The following ZUP1 variants were observed in gnomAD, a reference collection of about 807,000 sequenced individuals.
The protein encoded by ZUP1 is zinc finger containing ubiquitin peptidase 1, also known as zinc finger-containing ubiquitin peptidase 1.
In ZUP1, 55 loss-of-function variants were observed where a neutral mutation model predicts 68.1. The observed-to-expected ratio is 0.81, with a 90% CI of 0.65 to 1.01. ZUP1 has a LOEUF of 1.01. Ranked by LOEUF, ZUP1 falls within the 50% of genes least tolerant of loss-of-function variation. ZUP1 has a pLI of 0.00. For missense variants in ZUP1, 684 were observed against 674.9 expected (o/e 1.01, Z -0.15); for synonymous variants, 223 against 221.5 (o/e 1.01, Z -0.06).
Position 116,639,819 on chromosome 6 carries a change from C to T in ZUP1, c.1690-3940G>A, listed in dbSNP as rs1183310803. 1.9e-4 allele frequency among the ~76,000 whole-genome samples: 29 copies of T among 152,208 alleles called. 1 individual carries two copies. Among genetic ancestry groups the T allele is most frequent in the South Asian group, 1.4e-3 (7 of 4,834 alleles). On this transcript the variant is annotated intron_variant, in intron 9 of 9. Transcript: ENST00000368576. ...AAGGAACGCAGTTCCTCACCAGCAA[C>T]GGAACAAAGCTGGACGGAGAATGAC... is the stretch of plus-strand genomic sequence containing the variant.
At chr6:116,641,285 C>T (rs1460241881) in intron 9 of ZUP1, among the ~76,000 whole-genome samples, 1 of 152,108 alleles carries the variant, frequency 6.6e-6, no homozygotes, top group East Asian at 1.9e-4. Flanking sequence ...ATCAACGAGA[C>T]AGGAAGTTAA....
At chr6:116,653,728 A>G (rs892310821) in intron 5 of ZUP1, among the ~76,000 whole-genome samples, 1 of 152,034 alleles carries the variant, frequency 6.6e-6, no homozygotes, top group Non-Finnish European at 1.5e-5. Flanking sequence ...TGATGAAGAG[A>G]TCAAGATTTG....
intron 9 of ZUP1, among the ~76,000 whole-genome samples, chr6:116,640,040 T>C (rs1436795853): frequency 2.6e-5 from 4 of 152,132 alleles, no homozygotes; most frequent in African/African-American, 7.2e-5. Flanking sequence ...ACGTGAAGAA[T>C]GCAGAAGCCT....
At position 116,668,546 on chromosome 6, in the gene ZUP1, A is replaced by T. The variant is rs1459224923; in HGVS notation, c.-16+20T>A. 6.6e-6 allele frequency: 1 copy of T among 152,390 alleles called. No homozygotes were observed. The highest frequency in any genetic ancestry group is 1.5e-5 in the Non-Finnish European group (1 of 68,184). 9.4% of individuals were successfully genotyped at this position (152,390 alleles called of 1,614,324 possible). A position where few individuals can be genotyped will look rare whatever the true frequency, so the allele number is the denominator to read the frequency against. The stretch of plus-strand genomic sequence containing the variant: ...AAGCTTTGGGCCTGGGGAATAAGGG[A>T]GGGGACCATCAATTCTTACCGGCCC... On this transcript the variant is annotated intron_variant, in intron 1 of 9. Coordinates refer to ENST00000368576, the MANE Select transcript of ZUP1 (RefSeq NM_145062.3).
chr6:116,657,800 T>C (rs1776715999), intron 4 of ZUP1, among the ~76,000 whole-genome samples: 1 of 152,146 alleles, frequency 6.6e-6, no homozygotes, highest in East Asian at 1.9e-4. Context: ...TTAAAAACTA[T>C]AAGCAATAGG....
intron 3 of ZUP1, chr6:116,660,315 T>C (rs1776796846): frequency 6.5e-6 from 1 of 153,668 alleles, no homozygotes; most frequent in Non-Finnish European, 1.4e-5. Flanking sequence ...CTTCTAACAT[T>C]CATATAGGAT....
At position 116,643,337 on chromosome 6, in the gene ZUP1, C is replaced by T. The variant is rs955725841; in HGVS notation, c.1689+2377G>A. Among the ~76,000 whole-genome samples, 64 of 151,960 alleles carry T rather than the reference C, an allele frequency of 4.2e-4. 3 individuals carry two copies. Among genetic ancestry groups the T allele is most frequent in the Non-Finnish European group, 4.4e-5 (3 of 67,916 alleles). On this transcript the variant is annotated intron_variant, in intron 9 of 9. Coordinates refer to ENST00000368576, the MANE Select transcript of ZUP1 (RefSeq NM_145062.3). ...TTCTTCACAGAATTGGAAAAAACTACTTTAAAGTTCATATGGAACCAAAAA... is the reference window on the plus strand; with the variant it reads ...TTCTTCACAGAATTGGAAAAAACTATTTTAAAGTTCATATGGAACCAAAAA...
At chr6:116,664,243 C>T (rs995745538) in intron 2 of ZUP1, among the ~76,000 whole-genome samples, 14 of 152,060 alleles carry the variant, frequency 9.2e-5, no homozygotes, top group African/African-American at 3.1e-4. Context: ...CCAGCCTGGC[C>T]AACATGGCGA....
chr6:116,665,842 C>G (rs1470082565), intron 2 of ZUP1, among the ~76,000 whole-genome samples: 1 of 150,594 alleles, frequency 6.6e-6, no homozygotes, highest in Non-Finnish European at 1.5e-5. Flanking sequence ...CTGCCCACCT[C>G]GGACTCTCAA....
In ZUP1 at chr6:116,661,997, G is replaced by A. The variant is rs149807172; in HGVS notation, c.560-1151C>T. ...GCTCACTGAAATAAAGGAGGGAACT[G>A]AATCTTTGAAACCAGGACAGAAAGT... is the stretch of plus-strand genomic sequence containing the variant. On this transcript the variant is annotated intron_variant, in intron 2 of 9. Coordinates refer to ENST00000368576, the MANE Select transcript of ZUP1 (RefSeq NM_145062.3). 2.5e-3 allele frequency among the ~76,000 whole-genome samples: 384 copies of A among 152,144 alleles called. 12 individuals are homozygous for A. The highest frequency in any genetic ancestry group is 0.024 in the Admixed American group (362 of 15,278).
Position 116,666,968 on chromosome 6 carries a change from G to C in ZUP1, c.225C>G (p.Asn75Lys). The change falls in exon 2 of 10, where the codon AAC (asparagine) becomes AAG (lysine). Residue 75 changes from asparagine to lysine, a missense_variant. Coordinates refer to ENST00000368576, the MANE Select transcript of ZUP1 (RefSeq NM_145062.3). Reference protein sequence around the residue: ...INTVQYGTSDNKKDNTLQCGM... With the variant: ...INTVQYGTSDKKKDNTLQCGM... ...CACACTGTAGGGTGTTGTCTTTCTT[G>C]TTATCTGAAGTTCCATATTGTACTG... 6.2e-7 allele frequency: 1 copy of C among 1,613,486 alleles called. No individual in the cohort carries two copies. Among genetic ancestry groups the C allele is most frequent in the East Asian group, 2.2e-5 (1 of 44,808 alleles).
chr6:116,666,494 C>T (rs1010504797), intron 2 of ZUP1, 140 bp downstream of exon 2: 1 of 577,048 alleles, frequency 1.7e-6, no homozygotes, highest in Non-Finnish European at 2.8e-6. Flanking sequence ...ATTTCAGTAA[C>T]AGCAAATGAA....
In ZUP1 at chr6:116,647,575, G is replaced by A. The variant is rs369728438; in HGVS notation, c.1352C>T (p.Pro451Leu). Reference sequence around the variant, plus strand: ...AAATAAGCGAGGGTGTGTACCCAAAGGACCAGTTGATTTGTGAAAATCAAC... The same window carrying A: ...AAATAAGCGAGGGTGTGTACCCAAAAGACCAGTTGATTTGTGAAAATCAAC... ...HIVDFHKSTG[P>L]LGTHPRLFEW... Residue 451 changes from proline to leucine, a missense_variant, in exon 8 of 10, where the codon CCT (proline) becomes CTT (leucine). Transcript: ENST00000368576. 5.1e-6 allele frequency: 8 copies of A among 1,583,528 alleles called. No homozygotes were observed. The African/African-American group carries it at 5.4e-5, about 11-fold the overall frequency.
At chr6:116,647,714 T>C in intron 7 of ZUP1, 104 bp from the exon 8 acceptor site, 11 of 862,756 alleles carry the variant, frequency 1.3e-5, no homozygotes, top group Non-Finnish European at 1.7e-5. Flanking sequence ...TAACTGTTTC[T>C]AGCCATTACT....
rs528808206 is a variant in ZUP1, at chr6:116,667,833, G to A, written c.-15-626C>T. Among the ~76,000 whole-genome samples the A allele has an allele frequency of 1.1e-4, 17 of 152,230 alleles. No homozygotes were observed. In the East Asian group the frequency reaches 2.7e-3, roughly 24 times the overall value. On this transcript the variant is annotated intron_variant, in intron 1 of 9. Coordinates refer to ENST00000368576, the MANE Select transcript of ZUP1 (RefSeq NM_145062.3). ...AGCCCCAAGAATAAAAGCAGAAGTG[G>A]TATAGTAGAAAAAAGCACTTATTCC...
At chr6:116,642,370 A>C (rs1410872153) in intron 9 of ZUP1, among the ~76,000 whole-genome samples, 2 of 152,018 alleles carry the variant, frequency 1.3e-5, no homozygotes. Context: ...AAAGCCTTGC[A>C]GAGACACAAC....
intron 2 of ZUP1, among the ~76,000 whole-genome samples, chr6:116,665,185 A>C (rs1776962738): frequency 6.6e-6 from 1 of 152,204 alleles, no homozygotes; most frequent in Non-Finnish European, 1.5e-5. Context: ...AAGTGTACAA[A>C]AAATGTAATA....
intron 4 of ZUP1, among the ~76,000 whole-genome samples, chr6:116,657,831 C>T (rs2114271348): frequency 6.6e-6 from 1 of 152,316 alleles, no homozygotes; most frequent in East Asian, 1.9e-4. Flanking sequence ...TGGCTCATGC[C>T]TATAATCCCA....
chr6:116,652,707 C>A (rs1356005149), intron 5 of ZUP1, among the ~76,000 whole-genome samples: 1 of 152,038 alleles, frequency 6.6e-6, no homozygotes, highest in African/African-American at 2.4e-5. Flanking sequence ...TAAATTTCAA[C>A]CCTTTAGTAA....
Sources: allele counts gnomAD v4.1 joint callset (sites outside exome capture counted in the v4.1 genomes callset), GRCh38; gene constraint gnomAD v4.1.1; transcripts MANE v1.5; gene names NCBI Gene and HGNC (gene_info 2026-07-23, HGNC 2026-07-21).